DNAH7: variants seen among roughly 807,000 people sequenced by gnomAD.
DNAH7 encodes axonemal beta dynein heavy chain 7.
A neutral mutation model predicts 444.6 loss-of-function variants in DNAH7; 397 were observed. The ratio of observed to expected loss-of-function variants is 0.89; its 90% confidence interval spans 0.82 to 0.97. The LOEUF (loss-of-function observed/expected upper bound fraction) is 0.97. Ranked by LOEUF, DNAH7 falls within the 50% of genes least tolerant of loss-of-function variation. The pLI is 0.00. For synonymous variants in DNAH7, 1,636 were observed against 1,624.4 expected (o/e 1.01, Z -0.17); for missense variants, 4,902 against 4,800.8 (o/e 1.02, Z -0.62).
At chr2:195,865,113 A>G (rs1700252987) in intron 40 of DNAH7, 92 bp from the exon 41 acceptor site, 1 of 1,298,584 alleles carries the variant, frequency 7.7e-7, no homozygotes, top group Admixed American at 2.6e-5. Context: ...TAATAAAAAT[A>G]TTAGAAAATT....
intron 5 of DNAH7, among the ~76,000 whole-genome samples, chr2:196,041,373 T>G (rs1696749642): frequency 6.6e-6 from 1 of 151,948 alleles, no homozygotes; most frequent in Non-Finnish European, 1.5e-5. Flanking sequence ...CACTTAGACC[T>G]GTGGAAAAGA....
At position 195,792,551 on chromosome 2, in the gene DNAH7, A is replaced by G. The variant is rs145825403; in HGVS notation, c.10716+1787T>C. Among the ~76,000 whole-genome samples the G allele has an allele frequency of 7.5e-3, 1,147 of 152,216 alleles. 3 individuals are homozygous for G. Among genetic ancestry groups the G allele is most frequent in the Non-Finnish European group, 0.012 (808 of 68,000 alleles). ...GACAAAAGAGACGAGGCAATTAAGTATAACACTGAATACTAGACCAATGCT... is the reference window on the plus strand; with the variant it reads ...GACAAAAGAGACGAGGCAATTAAGTGTAACACTGAATACTAGACCAATGCT... On this transcript the variant is annotated intron_variant, in intron 57 of 64. Coordinates refer to ENST00000312428, the MANE Select transcript of DNAH7 (RefSeq NM_018897.3).
intron 59 of DNAH7, 51 bp from the exon 60 acceptor site, chr2:195,776,034 T>C: frequency 6.3e-7 from 1 of 1,598,512 alleles, no homozygotes; most frequent in Non-Finnish European, 8.5e-7. Context: ...AATTACTTTC[T>C]AGAACTTTTC....
chr2:195,921,759 T>C (rs968827905), intron 24 of DNAH7, among the ~76,000 whole-genome samples: 3 of 152,058 alleles, frequency 2.0e-5, no homozygotes, highest in African/African-American at 7.2e-5. Flanking sequence ...AAAATATCAA[T>C]TTTAAAAAGA....
chr2:195,777,202 T>C (rs1695102489), intron 59 of DNAH7, among the ~76,000 whole-genome samples: 1 of 152,170 alleles, frequency 6.6e-6, no homozygotes, highest in Non-Finnish European at 1.5e-5. Flanking sequence ...TAGCAATCTC[T>C]AGAAATCCAC....
chr2:195,831,153 A>T (rs554638989), intron 48 of DNAH7, among the ~76,000 whole-genome samples: 1 of 152,298 alleles, frequency 6.6e-6, no homozygotes, highest in South Asian at 2.1e-4. Flanking sequence ...TATCTTCTCT[A>T]CAAATTGATT....
chr2:195,778,931 C>T (rs553802936), intron 58 of DNAH7, among the ~76,000 whole-genome samples: 1 of 151,352 alleles, frequency 6.6e-6, no homozygotes, highest in South Asian at 2.1e-4. Flanking sequence ...GCAACCTCCA[C>T]CTCCCGGGTT....
At chr2:196,058,179 A>G in intron 1 of DNAH7, 63 bp from the exon 2 acceptor site, 1 of 1,352,764 alleles carries the variant, frequency 7.4e-7, no homozygotes, top group Non-Finnish European at 1.0e-6. Flanking sequence ...TGATTCACTC[A>G]ACCAAATTTT....
chr2:195,977,332 C>T (rs1692276599), intron 15 of DNAH7, among the ~76,000 whole-genome samples: 1 of 152,006 alleles, frequency 6.6e-6, no homozygotes, highest in African/African-American at 2.4e-5. Context: ...AGAAGAAATT[C>T]TGGGGTTGAA....
At chr2:195,986,359 A>G (rs1482740955) in intron 14 of DNAH7, among the ~76,000 whole-genome samples, 1 of 152,182 alleles carries the variant, frequency 6.6e-6, no homozygotes, top group Non-Finnish European at 1.5e-5. Context: ...AACTTCCTTC[A>G]GGCTTCTATA....
At chr2:195,748,282 C>T (rs564893352) in intron 63 of DNAH7, among the ~76,000 whole-genome samples, 21 of 152,118 alleles carry the variant, frequency 1.4e-4, no homozygotes, top group South Asian at 4.1e-4. Flanking sequence ...TTACAAGGGA[C>T]GTGAAGGACC....
At chr2:195,944,140 T>C (rs1480583524) in intron 19 of DNAH7, among the ~76,000 whole-genome samples, 5 of 151,740 alleles carry the variant, frequency 3.3e-5, no homozygotes, top group Admixed American at 2.6e-4. Flanking sequence ...CCAATATAAT[T>C]ATTGAAGTTA....
At chr2:195,869,756 G>C (rs1452258875) in intron 40 of DNAH7, among the ~76,000 whole-genome samples, 1 of 152,128 alleles carries the variant, frequency 6.6e-6, no homozygotes, top group African/African-American at 2.4e-5. Flanking sequence ...AGGGGAACAG[G>C]CTAAGAGGAA....
chr2:195,791,713 T>C (rs1266685082), intron 57 of DNAH7, among the ~76,000 whole-genome samples: 1 of 152,234 alleles, frequency 6.6e-6, no homozygotes, highest in Non-Finnish European at 1.5e-5. Context: ...TGTGGCATAC[T>C]ATGCAGCCAT....
chr2:196,058,492 T>C (rs1697949029), intron 1 of DNAH7, among the ~76,000 whole-genome samples: 1 of 152,208 alleles, frequency 6.6e-6, no homozygotes, highest in African/African-American at 2.4e-5. Context: ...CTGATTTGTA[T>C]CCCTTATAAT....
chr2:195,925,145 T>A (rs895613822), intron 22 of DNAH7, among the ~76,000 whole-genome samples: 3 of 152,224 alleles, frequency 2.0e-5, no homozygotes, highest in African/African-American at 4.8e-5. Context: ...TTTTATTTTT[T>A]TTTTTAAGAA....
intron 60 of DNAH7, among the ~76,000 whole-genome samples, chr2:195,775,373 G>T (rs1695014909): frequency 2.0e-5 from 3 of 152,132 alleles, no homozygotes; most frequent in Non-Finnish European, 4.4e-5. Flanking sequence ...AAAAATATGA[G>T]TGTGAATGAA....
chr2:195,878,193 C>T (rs1309958820), intron 36 of DNAH7, among the ~76,000 whole-genome samples: 1 of 152,126 alleles, frequency 6.6e-6, no homozygotes, highest in Non-Finnish European at 1.5e-5. Flanking sequence ...CTTAGCTTGC[C>T]TACATGATGT....
chr2:195,787,615 A>T (rs150600419), intron 57 of DNAH7, among the ~76,000 whole-genome samples: 3 of 152,262 alleles, frequency 2.0e-5, no homozygotes, highest in African/African-American at 7.2e-5. Context: ...TTTAAAGAGG[A>T]TTTGTGAAGA....
Sources: allele counts gnomAD v4.1 joint callset (sites outside exome capture counted in the v4.1 genomes callset), GRCh38; gene constraint gnomAD v4.1.1; transcripts MANE v1.5; gene names NCBI Gene and HGNC (gene_info 2026-07-23, HGNC 2026-07-21).